Variants in AKAP13 observed in about 807,000 individuals in gnomAD.
The protein encoded by AKAP13 is A-kinase anchoring protein 13, also known as A-kinase anchor protein 13.
A neutral mutation model predicts 264.5 loss-of-function variants in AKAP13; 80 were observed. The ratio of observed to expected loss-of-function variants is 0.30; its 90% confidence interval spans 0.25 to 0.36. The LOEUF (loss-of-function observed/expected upper bound fraction) is 0.36. AKAP13 is among the 10% of genes least tolerant of loss of function. The probability of loss-of-function intolerance (pLI) is 1.00; values close to 1 mark genes in which losing one functional copy is unlikely to be tolerated. For missense variants in AKAP13, 3,712 were observed against 3,435.2 expected (o/e 1.08, Z -2.01); for synonymous variants, 1,380 against 1,250.2 (o/e 1.10, Z -2.19).
intron 5 of AKAP13, among the ~76,000 whole-genome samples, chr15:85,565,437 G>T (rs2078571794): frequency 1.3e-5 from 2 of 152,120 alleles, no homozygotes. Flanking sequence ...TTCCTGTCCT[G>T]CAAGGCCTGA....
chr15:85,742,838 T>A (rs2089136223), intron 35 of AKAP13, among the ~76,000 whole-genome samples: 1 of 152,024 alleles, frequency 6.6e-6, no homozygotes, highest in Non-Finnish European at 1.5e-5. Context: ...GCTTCCAGGG[T>A]AGGGGGCAGT....
chr15:85,692,363 A>G (rs1017745303), intron 16 of AKAP13, among the ~76,000 whole-genome samples: 1 of 152,206 alleles, frequency 6.6e-6, no homozygotes, highest in African/African-American at 2.4e-5. Flanking sequence ...CCTAATTGTC[A>G]TATGTTTTAA....
intron 10 of AKAP13, among the ~76,000 whole-genome samples, chr15:85,649,866 A>G (rs952235466): frequency 6.6e-6 from 1 of 152,230 alleles, no homozygotes; most frequent in Non-Finnish European, 1.5e-5. Flanking sequence ...AGGCCACTCT[A>G]CTATCCAAAA....
At chr15:85,533,951 C>A (rs760579419) in intron 4 of AKAP13, 71 bp downstream of exon 4, 3 of 1,447,274 alleles carry the variant, frequency 2.1e-6, no homozygotes, top group Non-Finnish European at 1.9e-6. Flanking sequence ...AATGGGGCTA[C>A]TTTTCTATGG....
chr15:85,459,665 A>G (rs1479753927), intron 1 of AKAP13, among the ~76,000 whole-genome samples: 2 of 151,598 alleles, frequency 1.3e-5, no homozygotes, highest in Non-Finnish European at 2.9e-5. Context: ...ACGCCCAGCT[A>G]ATTTTTTGTA....
At chr15:85,739,658 C>T (rs1034860962) in intron 33 of AKAP13, among the ~76,000 whole-genome samples, 1 of 152,204 alleles carries the variant, frequency 6.6e-6, no homozygotes, top group East Asian at 1.9e-4. Context: ...GAAAACAGTT[C>T]TAGTTCCTTC....
At chr15:85,461,439 C>G (rs541443359) in intron 1 of AKAP13, among the ~76,000 whole-genome samples, 2 of 152,210 alleles carry the variant, frequency 1.3e-5, no homozygotes, top group African/African-American at 2.4e-5. Context: ...TCTCTATCCT[C>G]AGAACTTTGC....
At chr15:85,504,615 C>CT (rs1166242748) in intron 2 of AKAP13, among the ~76,000 whole-genome samples, 1 of 146,850 alleles carries the variant, frequency 6.8e-6, no homozygotes, top group Non-Finnish European at 1.5e-5. Context: ...TTGCTCAAGC[C>CT]TGGAAGATCG....
intron 5 of AKAP13, among the ~76,000 whole-genome samples, chr15:85,568,728 T>C (rs1285935310): frequency 6.7e-6 from 1 of 150,032 alleles, no homozygotes. Flanking sequence ...ATTAAGATTA[T>C]GATGAAGAGA....
intron 2 of AKAP13, among the ~76,000 whole-genome samples, chr15:85,518,487 G>T (rs1229545054): frequency 6.6e-6 from 1 of 152,116 alleles, no homozygotes; most frequent in Non-Finnish European, 1.5e-5. Flanking sequence ...AATATTTTGG[G>T]CATAAGGTAG....
intron 8 of AKAP13, among the ~76,000 whole-genome samples, chr15:85,591,660 G>A (rs960483551): frequency 3.3e-5 from 5 of 151,570 alleles, no homozygotes; most frequent in Admixed American, 2.6e-4. Context: ...AAAGAGGGCC[G>A]TCTGACACCA....
At chr15:85,445,265 C>G (rs1490387611) in intron 1 of AKAP13, among the ~76,000 whole-genome samples, 1 of 152,182 alleles carries the variant, frequency 6.6e-6, no homozygotes, top group East Asian at 1.9e-4. Context: ...AGAAAATGGT[C>G]AGCAACTTGG....
chr15:85,729,197 G>C (rs1779078753), intron 29 of AKAP13, among the ~76,000 whole-genome samples: 1 of 150,786 alleles, frequency 6.6e-6, no homozygotes, highest in Non-Finnish European at 1.5e-5. Context: ...TACTTAGGAG[G>C]CTGAGGCAGG....
At chr15:85,679,706 G>C (rs960737149) in intron 14 of AKAP13, among the ~76,000 whole-genome samples, 2 of 152,192 alleles carry the variant, frequency 1.3e-5, no homozygotes, top group Non-Finnish European at 2.9e-5. Flanking sequence ...GAAGTTCCTG[G>C]CTGTAGTATA....
rs914298230 is a variant in AKAP13 at position 85,459,734 on chromosome 15, T to C, written c.-11-25976T>C. On this transcript the variant is annotated intron_variant, in intron 1 of 36. Transcript: ENST00000394518. ...CAGGATAGTCTCAATCTCCTGACCTTGTGATCCGCCTGCCTCAGCCTCCCA... is the reference window on the plus strand; with the variant it reads ...CAGGATAGTCTCAATCTCCTGACCTCGTGATCCGCCTGCCTCAGCCTCCCA... 7.2e-5 allele frequency among the ~76,000 whole-genome samples: 11 copies of C among 151,920 alleles called. No homozygotes were observed. In the East Asian group the frequency reaches 1.4e-3, roughly 19 times the overall value.
intron 9 of AKAP13, among the ~76,000 whole-genome samples, chr15:85,644,764 G>T (rs1280002119): frequency 6.6e-6 from 1 of 151,702 alleles, no homozygotes; most frequent in Admixed American, 6.5e-5. Flanking sequence ...TACTCAAGAG[G>T]CTGAAGCAGG....
chr15:85,577,407 T>G (rs947903649), intron 6 of AKAP13, among the ~76,000 whole-genome samples: 1 of 152,248 alleles, frequency 6.6e-6, no homozygotes, highest in Non-Finnish European at 1.5e-5. Context: ...TTTTGAAATT[T>G]TGATATAAAG....
chr15:85,685,484 G>GTGTGTC (rs1056408687), intron 16 of AKAP13: 1 of 148,508 alleles, frequency 6.7e-6, no homozygotes, highest in Non-Finnish European at 1.5e-5. Flanking sequence ...GTGTGTGTGT[G>GTGTGTC]TGTGTCTGTG....
rs117857731 is a variant in AKAP13 at position 85,626,491 on chromosome 15, A to G, written c.4162-12883A>G. ...ACTGCTCTAGGTACTAAGTGGAGTC[A>G]TACAACATTTGTCCTTTTGTGACTG... is the stretch of plus-strand genomic sequence containing the variant. On this transcript the variant is annotated intron_variant, in intron 8 of 36. Transcript: ENST00000394518. 2.5e-3 allele frequency among the ~76,000 whole-genome samples: 378 copies of G among 152,340 alleles called. 1 individual carries two copies. Among genetic ancestry groups the G allele is most frequent in the Non-Finnish European group, 4.0e-3 (271 of 68,034 alleles).
Sources: allele counts gnomAD v4.1 joint callset (sites outside exome capture counted in the v4.1 genomes callset), GRCh38; gene constraint gnomAD v4.1.1; transcripts MANE v1.5; gene names NCBI Gene and HGNC (gene_info 2026-07-23, HGNC 2026-07-21).